The following GMDS variants were observed in gnomAD, a reference collection of about 807,000 sequenced individuals.
GMDS encodes GDP-mannose 4,6 dehydratase.
GMDS carries 20 observed loss-of-function variants against 49.9 expected under a neutral mutation model. The observed-to-expected ratio is 0.40, with a 90% CI of 0.28 to 0.58. The LOEUF (loss-of-function observed/expected upper bound fraction) is 0.58, where lower values mean the gene tolerates loss of function less well. GMDS is among the 20% of genes least tolerant of loss of function. The probability of loss-of-function intolerance (pLI) is 0.42; values close to 1 mark genes in which losing one functional copy is unlikely to be tolerated. For missense variants in GMDS, 362 were observed against 481.4 expected (o/e 0.75, Z 2.32); for synonymous variants, 177 against 178.6 (o/e 0.99, Z 0.07).
chr6:2,092,399 T>C lies in GMDS; in HGVS notation c.345+23372A>G, dbSNP rs543701065. Among the ~76,000 whole-genome samples the C allele has an allele frequency of 2.6e-5, 4 of 152,318 alleles. No homozygotes were observed. In the South Asian group the frequency reaches 6.2e-4, roughly 24 times the overall value. On this transcript the variant is annotated intron_variant, in intron 4 of 10. Coordinates refer to ENST00000380815, the MANE Select transcript of GMDS (RefSeq NM_001500.4). ...TCTTTCCCCTAAACCTTCCCATCCT[T>C]AGAATTAATCATCACCTCATCCCAG...
rs7753498 is a variant in GMDS at position 2,224,752 on chromosome 6, G to A, written c.102+20569C>T. Among the ~76,000 whole-genome samples, 493 of 152,270 alleles carry A rather than the reference G, an allele frequency of 3.2e-3. 3 individuals are homozygous for A. The highest frequency in any genetic ancestry group is 0.011 in the African/African-American group (474 of 41,532). On this transcript the variant is annotated intron_variant, in intron 1 of 10. Coordinates refer to ENST00000380815, the MANE Select transcript of GMDS (RefSeq NM_001500.4). The stretch of plus-strand genomic sequence containing the variant: ...GTTGTTTACTCTCATCAAAATTATA[G>A]CGTGTCTTCAGGAAAAGAATTCTAG...
chr6:1,895,791 C>T (rs527588460), intron 7 of GMDS, among the ~76,000 whole-genome samples: 123 of 152,172 alleles, frequency 8.1e-4, no homozygotes, highest in African/African-American at 2.9e-3. Flanking sequence ...CCACTTGGCC[C>T]CTCTCTTTGT....
At chr6:1,634,848 C>T (rs774633606) in intron 9 of GMDS, among the ~76,000 whole-genome samples, 9 of 152,018 alleles carry the variant, frequency 5.9e-5, no homozygotes, top group Non-Finnish European at 1.2e-4. Context: ...GACGGAAAGG[C>T]GTGGGTGAAC....
chr6:2,139,945 G>A (rs1458478688), intron 1 of GMDS, among the ~76,000 whole-genome samples: 2 of 152,194 alleles, frequency 1.3e-5, no homozygotes, highest in East Asian at 3.9e-4. Flanking sequence ...AACAGCCCAG[G>A]CAGCTGAGCG....
chr6:1,969,425 G>A (rs1370205751), intron 4 of GMDS, among the ~76,000 whole-genome samples: 1 of 151,866 alleles, frequency 6.6e-6, no homozygotes, highest in Non-Finnish European at 1.5e-5. Context: ...ATTTTAGTAA[G>A]GAAAAACATT....
intron 1 of GMDS, among the ~76,000 whole-genome samples, chr6:2,144,305 AT>A (rs1418700183): frequency 6.6e-6 from 1 of 152,204 alleles, no homozygotes; most frequent in Non-Finnish European, 1.5e-5. Context: ...GAATCAGCTG[AT>A]TGTCCTCAGT....
At chr6:1,906,616 G>T (rs1192412851) in intron 7 of GMDS, among the ~76,000 whole-genome samples, 1 of 152,124 alleles carries the variant, frequency 6.6e-6, no homozygotes, top group Non-Finnish European at 1.5e-5. Context: ...TTCTCAAGAG[G>T]TTAGTGGGGT....
chr6:2,054,779 C>T (rs768984885), intron 4 of GMDS, among the ~76,000 whole-genome samples: 72 of 151,236 alleles, frequency 4.8e-4, no homozygotes, highest in Admixed American at 1.4e-3. Flanking sequence ...ATTGTTGGAA[C>T]AAATGTAACA....
intron 4 of GMDS, among the ~76,000 whole-genome samples, chr6:2,001,208 A>T (rs1240665427): frequency 6.6e-6 from 1 of 152,130 alleles, no homozygotes; most frequent in Admixed American, 6.6e-5. Context: ...CTGGTATTTC[A>T]TTATGGTTTT....
intron 8 of GMDS, among the ~76,000 whole-genome samples, chr6:1,741,807 G>C (rs58285849): frequency 0.51 from 41,253 of 80,564 alleles, 8,952 homozygotes; most frequent in East Asian, 0.66. Context: ...GCAAGACTCT[G>C]TCTCAAAAAA....
chr6:1,937,444 C>T (rs1374537844), intron 6 of GMDS, among the ~76,000 whole-genome samples: 1 of 152,204 alleles, frequency 6.6e-6, no homozygotes, highest in Non-Finnish European at 1.5e-5. Context: ...GCTGCCATAA[C>T]AAACTCCCAC....
At chr6:2,232,790 C>T (rs1196336539) in intron 1 of GMDS, among the ~76,000 whole-genome samples, 3 of 152,178 alleles carry the variant, frequency 2.0e-5, no homozygotes, top group African/African-American at 7.2e-5. Flanking sequence ...GATGCTCATG[C>T]ACATCTCAGG....
intron 9 of GMDS, among the ~76,000 whole-genome samples, chr6:1,661,675 G>C (rs113560249): frequency 6.6e-6 from 1 of 152,206 alleles, no homozygotes; most frequent in Non-Finnish European, 1.5e-5. Flanking sequence ...GACCCTGCCC[G>C]GATCTTCCTC....
intron 8 of GMDS, among the ~76,000 whole-genome samples, chr6:1,735,712 T>A (rs772236088): frequency 1.3e-5 from 2 of 152,196 alleles, no homozygotes; most frequent in Non-Finnish European, 2.9e-5. Context: ...TATCTCCCAA[T>A]CTGGACAAGG....
intron 9 of GMDS, among the ~76,000 whole-genome samples, chr6:1,633,965 C>T (rs1413334031): frequency 6.6e-6 from 1 of 152,202 alleles, no homozygotes; most frequent in African/African-American, 2.4e-5. Context: ...ACAATTCTGA[C>T]TTTCTGGTGC....
rs1450072666 is a variant in GMDS at position 1,653,498 on chromosome 6, AAAC to A, written c.988-28961_988-28959del. Among the ~76,000 whole-genome samples, 4 of 152,248 alleles carry A rather than the reference AAAC, an allele frequency of 2.6e-5. No individual in the cohort carries two copies. In the South Asian group the frequency reaches 6.2e-4, roughly 24 times the overall value. On this transcript the variant is annotated intron_variant, in intron 9 of 10. Coordinates refer to ENST00000380815, the MANE Select transcript of GMDS (RefSeq NM_001500.4). ...CTCTGAATAGCCAGAAGAATTTTGA[AAAC>A]AACAACAACAAACAATAGCAAAGTT...
chr6:1,686,973 T>A (rs1396142769), intron 9 of GMDS, among the ~76,000 whole-genome samples: 1 of 152,228 alleles, frequency 6.6e-6, no homozygotes, highest in Non-Finnish European at 1.5e-5. Flanking sequence ...GTTGAAATAT[T>A]CCAAAACTTC....
At chr6:2,241,487 C>T (rs1781611755) in intron 1 of GMDS, among the ~76,000 whole-genome samples, 1 of 152,104 alleles carries the variant, frequency 6.6e-6, no homozygotes, top group Admixed American at 6.6e-5. Context: ...CTCCAAATCT[C>T]ACACTGAAAT....
chr6:2,231,810 C>A (rs1308474628), intron 1 of GMDS, among the ~76,000 whole-genome samples: 1 of 151,856 alleles, frequency 6.6e-6, no homozygotes, highest in African/African-American at 2.4e-5. Flanking sequence ...ACCTTGGAGT[C>A]AAGAAAAAAA....
Sources: allele counts gnomAD v4.1 joint callset (sites outside exome capture counted in the v4.1 genomes callset), GRCh38; gene constraint gnomAD v4.1.1; transcripts MANE v1.5; gene names NCBI Gene and HGNC (gene_info 2026-07-23, HGNC 2026-07-21).